FBXW11: variants seen among roughly 807,000 people sequenced by gnomAD.
FBXW11 encodes the protein F-box/WD repeat-containing protein 11.
FBXW11 carries 19 observed loss-of-function variants against 77.6 expected under a neutral mutation model. The ratio of observed to expected loss-of-function variants is 0.24; its 90% CI spans 0.17 to 0.36. The LOEUF is 0.36. Ranked by LOEUF, FBXW11 falls within the 10% of genes least tolerant of loss-of-function variation. The pLI is 1.00. For synonymous variants in FBXW11, 235 were observed against 249.4 expected, an observed-to-expected ratio of 0.94 and a Z score of 0.54; for missense variants, 334 against 704.2, an observed-to-expected ratio of 0.47 and a Z score of 5.95.
intron 1 of FBXW11, among the ~76,000 whole-genome samples, chr5:171,975,832 A>C (rs74746989): frequency 0.028 from 4,266 of 152,326 alleles, 131 homozygotes; most frequent in African/African-American, 0.071. Context: ...AAAATCATAA[A>C]GAATAGCATT....
intron 1 of FBXW11, among the ~76,000 whole-genome samples, chr5:171,996,635 C>T (rs1463290409): frequency 6.6e-6 from 1 of 152,180 alleles, no homozygotes; most frequent in Non-Finnish European, 1.5e-5. Flanking sequence ...TGCAGTCCAG[C>T]CTGGGCGACC....
At chr5:171,986,264 C>T (rs758440415) in intron 1 of FBXW11, among the ~76,000 whole-genome samples, 8 of 151,162 alleles carry the variant, frequency 5.3e-5, no homozygotes, top group Non-Finnish European at 8.8e-5. Flanking sequence ...AAAAATTAGC[C>T]GGGCATGGTG....
intron 13 of FBXW11, among the ~76,000 whole-genome samples, chr5:171,865,253 G>A (rs931846143): frequency 3.3e-5 from 5 of 149,630 alleles, no homozygotes; most frequent in Admixed American, 1.3e-4. Flanking sequence ...ACCTACATAC[G>A]CACATGTACC....
intron 1 of FBXW11, among the ~76,000 whole-genome samples, chr5:171,970,520 A>G (rs1312809893): frequency 1.3e-5 from 2 of 152,214 alleles, no homozygotes. Flanking sequence ...ACCTTACATC[A>G]TTTAAACAAG....
chr5:171,907,966 G>A (rs1251389387), intron 4 of FBXW11, among the ~76,000 whole-genome samples: 2 of 152,120 alleles, frequency 1.3e-5, no homozygotes, highest in African/African-American at 2.4e-5. Flanking sequence ...CCTCTAAAAC[G>A]TTTGAGAAGC....
intron 1 of FBXW11, among the ~76,000 whole-genome samples, chr5:171,998,967 A>C (rs889695944): frequency 1.2e-4 from 18 of 152,194 alleles, no homozygotes; most frequent in Admixed American, 6.5e-4. Context: ...AATGACTCTT[A>C]AAGATGTTCT....
intron 3 of FBXW11, among the ~76,000 whole-genome samples, chr5:171,911,672 G>C (rs145408064): frequency 6.6e-6 from 1 of 152,102 alleles, no homozygotes; most frequent in Admixed American, 6.6e-5. Context: ...TGCATCTTAC[G>C]TAGGTGGTTT....
At chr5:171,982,453 T>C (rs576885964) in intron 1 of FBXW11, among the ~76,000 whole-genome samples, 1 of 152,274 alleles carries the variant, frequency 6.6e-6, no homozygotes, top group East Asian at 1.9e-4. Flanking sequence ...TTTGTATTTT[T>C]AGTAGATACG....
At chr5:171,889,519 C>A (rs1347115400) in intron 7 of FBXW11, among the ~76,000 whole-genome samples, 1 of 88,846 alleles carries the variant, frequency 1.1e-5, no homozygotes, top group Non-Finnish European at 2.2e-5. Flanking sequence ...CAGAGTGAGA[C>A]TCCATCTCAA....
chr5:171,897,163 C>T (rs1759797516), intron 6 of FBXW11, among the ~76,000 whole-genome samples: 1 of 152,126 alleles, frequency 6.6e-6, no homozygotes, highest in Non-Finnish European at 1.5e-5. Flanking sequence ...ACTTGGCCTA[C>T]CTTTCAGGTT....
chr5:171,885,559 G>T (rs1758823588), intron 7 of FBXW11, among the ~76,000 whole-genome samples: 1 of 152,160 alleles, frequency 6.6e-6, no homozygotes, highest in Non-Finnish European at 1.5e-5. Context: ...TGATTTTTCA[G>T]TTTGTTCAGA....
Position 171,872,979 on chromosome 5 carries a change from C to G in FBXW11, c.1233G>C (p.Thr411=). ...SGDRTIKVWS[T]STCEFVRTLN... Reference sequence around the variant, plus strand: ...GAGTACGAACAAATTCACAGGTGCTCGTGCTCCAGACCTGTATAACAAATT... The same window carrying G: ...GAGTACGAACAAATTCACAGGTGCTGGTGCTCCAGACCTGTATAACAAATT... The change falls in exon 10 of 14, where the codon ACG becomes ACC. Residue 411 remains threonine (T), a synonymous_variant. Transcript: ENST00000517395. 6.2e-7 allele frequency: 1 copy of G among 1,613,406 alleles called. No homozygotes were observed. The highest frequency in any genetic ancestry group is 8.5e-7 in the Non-Finnish European group (1 of 1,179,562).
intron 13 of FBXW11, among the ~76,000 whole-genome samples, chr5:171,864,776 TAC>T (rs201320800): frequency 3.1e-4 from 47 of 151,982 alleles, no homozygotes; most frequent in Non-Finnish European, 5.9e-4. Flanking sequence ...TGTAAATATG[TAC>T]ACACACACAC....
rs186094214 is a variant in FBXW11, at chr5:171,983,035, T to C, written c.45+23423A>G. On this transcript the variant is annotated intron_variant, in intron 1 of 13. Coordinates refer to ENST00000517395, the MANE Select transcript of FBXW11 (RefSeq NM_001378974.1). ...TGGGAAACATGGAACACCTGGTCTA[T>C]ACAAAAAAATGAAAAATTAACCGAG... Among the ~76,000 whole-genome samples the C allele has an allele frequency of 1.8e-4, 27 of 152,070 alleles. No individual in the cohort carries two copies. The East Asian group carries it at 4.3e-3, about 24-fold the overall frequency.
intron 13 of FBXW11, among the ~76,000 whole-genome samples, chr5:171,867,075 C>T (rs1391446780): frequency 2.6e-5 from 4 of 152,206 alleles, no homozygotes; most frequent in Non-Finnish European, 5.9e-5. Flanking sequence ...ACACACCCAC[C>T]AGTCACTACT....
intron 1 of FBXW11, among the ~76,000 whole-genome samples, chr5:171,959,857 A>AAAAAGAAAAG (rs112222573): frequency 1.5e-5 from 2 of 130,908 alleles, no homozygotes; most frequent in Admixed American, 8.1e-5. Flanking sequence ...CAAAAAAAAA[A>AAAAAGAAAAG]AAAAGAAAAG....
intron 1 of FBXW11, among the ~76,000 whole-genome samples, chr5:172,000,542 G>A (rs970071703): frequency 2.0e-5 from 3 of 152,144 alleles, no homozygotes; most frequent in Non-Finnish European, 4.4e-5. Context: ...CTAAATGTTA[G>A]TCTTCTGTAA....
intron 2 of FBXW11, among the ~76,000 whole-genome samples, chr5:171,923,039 C>T (rs1160149436): frequency 6.6e-6 from 1 of 152,102 alleles, no homozygotes; most frequent in African/African-American, 2.4e-5. Flanking sequence ...CTCAGCCTCC[C>T]ATGTAGCTGG....
chr5:171,885,109 C>A (rs1223409825), intron 7 of FBXW11, among the ~76,000 whole-genome samples: 2 of 152,148 alleles, frequency 1.3e-5, no homozygotes, highest in Non-Finnish European at 2.9e-5. Flanking sequence ...TTCCCCAGGT[C>A]AGTCAGGTTC....
Sources: gnomAD v4.1 joint callset for allele counts (sites outside exome capture counted in the v4.1 genomes callset) on GRCh38, gnomAD v4.1.1 for gene constraint, MANE v1.5 for transcripts, NCBI Gene and HGNC (gene_info 2026-07-23, HGNC 2026-07-21) for gene names.